Variants in SORBS2 observed in about 807,000 individuals in gnomAD.
SORBS2 encodes sorbin and SH3 domain-containing protein 2.
A neutral mutation model predicts 97.7 loss-of-function variants in SORBS2; 46 were observed. The observed-to-expected ratio is 0.47, with a 90% CI of 0.37 to 0.60. The LOEUF (loss-of-function observed/expected upper bound fraction) is 0.60. SORBS2 is among the 20% of genes least tolerant of loss of function. The pLI is 0.00. For synonymous variants in SORBS2, 476 were observed against 473.4 expected (o/e 1.01, Z -0.07); for missense variants, 1,316 against 1,282.3 (o/e 1.03, Z -0.40).
At chr4:185,615,000 C>T (rs1055114339) in intron 10 of SORBS2, 41 bp from the exon 23 acceptor site, 3 of 1,613,714 alleles carry the variant, frequency 1.9e-6, no homozygotes, top group African/African-American at 2.7e-5. Context: ...TCTGCGGTGA[C>T]CTTTGAAACC....
intron 2 of SORBS2, among the ~76,000 whole-genome samples, chr4:185,692,909 C>G (rs2098120954): frequency 1.3e-5 from 2 of 152,116 alleles, no homozygotes; most frequent in Admixed American, 6.5e-5. Context: ...AATCACAGTA[C>G]TGATAATCAC....
chr4:185,780,743 T>C lies in SORBS2; in HGVS notation c.-337-5377A>G, dbSNP rs542330353. On this transcript the variant is annotated intron_variant, in intron 1 of 20. Transcript: ENST00000284776. Reference sequence around the variant, plus strand: ...TGCCTGGTTATTGATGTTAAGTAAATACTTTTTAGTAGGCGATTTGTCATC... The same window carrying C: ...TGCCTGGTTATTGATGTTAAGTAAACACTTTTTAGTAGGCGATTTGTCATC... 2.0e-5 allele frequency among the ~76,000 whole-genome samples: 3 copies of C among 152,320 alleles called. No individual in the cohort carries two copies. The East Asian group carries it at 5.8e-4, about 29-fold the overall frequency.
chr4:185,821,095 ATGTTCCAGTG>A (rs2099196554), intron 1 of SORBS2, among the ~76,000 whole-genome samples: 1 of 152,226 alleles, frequency 6.6e-6, no homozygotes, highest in Admixed American at 6.5e-5. Flanking sequence ...ACAAATAGTG[ATGTTCCAGTG>A]TGATTTGCCC....
intron 1 of SORBS2, among the ~76,000 whole-genome samples, chr4:185,935,123 A>G (rs2099268343): frequency 6.6e-6 from 1 of 152,176 alleles, no homozygotes. Flanking sequence ...GAAAAATCCA[A>G]AGAAACACAG....
intron 1 of SORBS2, among the ~76,000 whole-genome samples, chr4:185,857,849 G>A (rs1343597019): frequency 6.6e-6 from 1 of 152,204 alleles, no homozygotes; most frequent in African/African-American, 2.4e-5. Context: ...CCAGTTGTCT[G>A]CTCTCAAACC....
At chr4:185,624,189 A>C (rs574188428) in exon 7 of SORBS2, 2 of 1,614,108 alleles carry the variant, frequency 1.2e-6, no homozygotes, top group Non-Finnish European at 1.7e-6. Context: ...TCCTCCTCAC[A>C]TAACAGGGAG....
At chr4:185,859,464 TCCAGCCTTTG>T (rs1459035409) in intron 1 of SORBS2, among the ~76,000 whole-genome samples, 1 of 152,152 alleles carries the variant, frequency 6.6e-6, no homozygotes, top group Non-Finnish European at 1.5e-5. Context: ...ATTTTACAAC[TCCAGCCTTTG>T]CCAGTCTCGC....
chr4:185,716,860 G>A (rs561213715), intron 2 of SORBS2, among the ~76,000 whole-genome samples: 16 of 152,272 alleles, frequency 1.1e-4, no homozygotes, highest in Admixed American at 7.2e-4. Flanking sequence ...TGCTGTGAGC[G>A]GTCCACCCCT....
chr4:185,660,575 T>C (rs1198331565), upstream of SORBS2, among the ~76,000 whole-genome samples: 3 of 152,356 alleles, frequency 2.0e-5, no homozygotes, highest in Non-Finnish European at 4.4e-5. Flanking sequence ...TTTATAGTTA[T>C]AGAGCTTTGG....
In SORBS2 at chr4:185,860,495, C is replaced by T. The variant is rs185613298; in HGVS notation, c.-337-85129G>A. Among the ~76,000 whole-genome samples, 275 of 152,198 alleles carry T rather than the reference C, an allele frequency of 1.8e-3. 1 individual carries two copies. The highest frequency in any genetic ancestry group is 6.1e-3 in the African/African-American group (252 of 41,520). On this transcript the variant is annotated intron_variant, in intron 1 of 20. Coordinates refer to the SORBS2 transcript ENST00000284776. ...AACAGAAGAGTTGTGGGAGCATCTG[C>T]GAGAAGAATGTTCTTGGTGTTGGTG...
intron 1 of SORBS2, among the ~76,000 whole-genome samples, chr4:185,815,128 T>C (rs2099192489): frequency 6.6e-6 from 1 of 152,242 alleles, no homozygotes. Context: ...TATCTAGTTT[T>C]AAAATTTTGC....
intron 4 of SORBS2, among the ~76,000 whole-genome samples, chr4:185,637,868 T>C (rs2097048831): frequency 6.6e-6 from 1 of 152,182 alleles, no homozygotes; most frequent in African/African-American, 2.4e-5. Context: ...GAAATCTTAA[T>C]GAATGACCTA....
At chr4:185,693,883 C>T (rs150998516) in intron 2 of SORBS2, among the ~76,000 whole-genome samples, 56 of 152,312 alleles carry the variant, frequency 3.7e-4, no homozygotes, top group African/African-American at 1.2e-3. Flanking sequence ...CAAAGAAAGG[C>T]GCCACAAATC....
At chr4:185,628,669 A>C (rs1433159448) in intron 5 of SORBS2, among the ~76,000 whole-genome samples, 1 of 152,180 alleles carries the variant, frequency 6.6e-6, no homozygotes, top group Non-Finnish European at 1.5e-5. Context: ...GGATAGCTTG[A>C]GCACAGGAGT....
At chr4:185,941,266 G>T (rs977890885) in intron 1 of SORBS2, among the ~76,000 whole-genome samples, 1 of 152,158 alleles carries the variant, frequency 6.6e-6, no homozygotes. Flanking sequence ...GGCAGGAAAA[G>T]GTTAACTGTC....
chr4:185,805,093 T>A (rs2099147477), intron 1 of SORBS2, among the ~76,000 whole-genome samples: 1 of 152,170 alleles, frequency 6.6e-6, no homozygotes, highest in Non-Finnish European at 1.5e-5. Context: ...TTTAAAAAAA[T>A]TGAGATTAGA....
chr4:185,687,184 C>A (rs534389217), intron 2 of SORBS2, among the ~76,000 whole-genome samples: 1 of 152,106 alleles, frequency 6.6e-6, no homozygotes, highest in Non-Finnish European at 1.5e-5. Context: ...CATGCCACCA[C>A]GCCCAGCTAA....
intron 2 of SORBS2, among the ~76,000 whole-genome samples, chr4:185,686,596 T>C (rs932173612): frequency 1.3e-5 from 2 of 152,200 alleles, no homozygotes; most frequent in Admixed American, 6.5e-5. Context: ...TCTGATAAGA[T>C]GGAGGTGATG....
chr4:185,794,892 G>T (rs757540928), intron 1 of SORBS2, among the ~76,000 whole-genome samples: 7 of 152,130 alleles, frequency 4.6e-5, no homozygotes, highest in Non-Finnish European at 1.0e-4. Flanking sequence ...GGCCTGGGGA[G>T]AAGCTGCTTT....
Sources: gnomAD v4.1 joint callset for allele counts (sites outside exome capture counted in the v4.1 genomes callset) on GRCh38, gnomAD v4.1.1 for gene constraint, MANE v1.5 for transcripts, NCBI Gene and HGNC (gene_info 2026-07-23, HGNC 2026-07-21) for gene names.